The following TAFA2 variants were observed in gnomAD, a reference collection of about 807,000 sequenced individuals.
The protein encoded by TAFA2 is chemokine-like protein TAFA-2.
Under a neutral mutation model 18.8 loss-of-function variants are expected in TAFA2, and 7 were observed. The observed-to-expected ratio is 0.37, with a 90% confidence interval of 0.21 to 0.70. The LOEUF is 0.70. Ranked by LOEUF, TAFA2 falls within the 30% of genes least tolerant of loss-of-function variation. The pLI is 0.53. For missense variants in TAFA2, 122 were observed against 158.1 expected, an observed-to-expected ratio of 0.77 and a Z score of 1.23; for synonymous variants, 60 against 54.2, an observed-to-expected ratio of 1.11 and a Z score of -0.47.
In TAFA2 at chr12:61,808,327, G is replaced by A. The variant is rs552589175; in HGVS notation, c.107-53303C>T. Among the ~76,000 whole-genome samples the A allele has an allele frequency of 5.1e-4, 78 of 151,538 alleles. 4 individuals are homozygous for A. Among genetic ancestry groups the A allele is most frequent in the African/African-American group, 1.8e-3 (72 of 40,844 alleles). On this transcript the variant is annotated intron_variant, in intron 2 of 4. Coordinates refer to ENST00000416284, the MANE Select transcript of TAFA2 (RefSeq NM_178539.5). Reference sequence around the variant, plus strand: ...CTTCTGCCATGATTATGAGGCCTCCGCACCAAATGGTCAATAAACCTCTTT... The same window carrying A: ...CTTCTGCCATGATTATGAGGCCTCCACACCAAATGGTCAATAAACCTCTTT...
chr12:61,983,914 A>T (rs1337136290), intron 1 of TAFA2, among the ~76,000 whole-genome samples: 2 of 152,146 alleles, frequency 1.3e-5, no homozygotes, highest in Non-Finnish European at 2.9e-5. Context: ...TCTCCTGCTA[A>T]TCAGTCTTCC....
At chr12:61,734,600 T>G (rs1868273846) in intron 4 of TAFA2, among the ~76,000 whole-genome samples, 1 of 151,964 alleles carries the variant, frequency 6.6e-6, no homozygotes, top group Non-Finnish European at 1.5e-5. Context: ...GGCAAACTTG[T>G]TTGAAATGTG....
chr12:61,720,837 G>T, intron 4 of TAFA2: 1 of 492,880 alleles, frequency 2.0e-6, no homozygotes, highest in Admixed American at 2.1e-5. Flanking sequence ...TTTTTTGAGT[G>T]TGGAGAAATC....
intron 2 of TAFA2, among the ~76,000 whole-genome samples, chr12:61,838,308 G>A (rs562379547): frequency 1.6e-4 from 25 of 151,954 alleles, no homozygotes; most frequent in Non-Finnish European, 3.4e-4. Context: ...CCTTAATACA[G>A]TTATGTGAAA....
intron 1 of TAFA2, among the ~76,000 whole-genome samples, chr12:61,958,140 T>G (rs1371002345): frequency 6.6e-6 from 1 of 152,156 alleles, no homozygotes; most frequent in Admixed American, 6.6e-5. Context: ...GAATTTACTT[T>G]TCATTGTTTT....
chr12:62,137,183 C>T (rs1870929873), intron 1 of TAFA2, among the ~76,000 whole-genome samples: 2 of 152,058 alleles, frequency 1.3e-5, no homozygotes, highest in East Asian at 3.9e-4. Flanking sequence ...TGTCCTGCAC[C>T]GATTCTTCCT....
At position 61,806,022 on chromosome 12, in the gene TAFA2, T is replaced by C. The variant is rs576586815; in HGVS notation, c.107-50998A>G. Among the ~76,000 whole-genome samples, 9 of 152,376 alleles carry C rather than the reference T, an allele frequency of 5.9e-5. No homozygotes were observed. In the South Asian group the frequency reaches 1.9e-3, roughly 32 times the overall value. The stretch of plus-strand genomic sequence containing the variant: ...GTAACAACAAACTATTAAGATTTGT[T>C]ACTTGAGTGTGAGGGATGGAGAGGG... On this transcript the variant is annotated intron_variant, in intron 2 of 4. Coordinates refer to ENST00000416284, the MANE Select transcript of TAFA2 (RefSeq NM_178539.5).
chr12:62,067,943 T>C (rs561759347), intron 1 of TAFA2, among the ~76,000 whole-genome samples: 13 of 152,048 alleles, frequency 8.5e-5, no homozygotes, highest in Non-Finnish European at 1.5e-4. Context: ...ACTTTCCTTT[T>C]CTTTCCTTTT....
rs191873826 is a variant in TAFA2 at position 62,184,422 on chromosome 12, G to A, written c.-2+6837C>T. 9.6e-4 allele frequency among the ~76,000 whole-genome samples: 145 copies of A among 151,446 alleles called. 1 individual carries two copies. The highest frequency in any genetic ancestry group is 3.3e-3 in the African/African-American group (138 of 41,284). Reference sequence around the variant, plus strand: ...CCTAACTAAAAGGGAAGCTCCTTAAGGTTAAATATGTCACGCTATATTATT... The same window carrying A: ...CCTAACTAAAAGGGAAGCTCCTTAAAGTTAAATATGTCACGCTATATTATT... On this transcript the variant is annotated intron_variant, in intron 1 of 4. Coordinates refer to ENST00000416284, the MANE Select transcript of TAFA2 (RefSeq NM_178539.5).
At chr12:62,206,651 T>C (rs2062692791) in intron 1 of TAFA2, among the ~76,000 whole-genome samples, 1 of 152,126 alleles carries the variant, frequency 6.6e-6, no homozygotes, top group African/African-American at 2.4e-5. Context: ...CCTCATTTTT[T>C]GACTTTTTTG....
intron 2 of TAFA2, among the ~76,000 whole-genome samples, chr12:61,863,949 G>A (rs1271642411): frequency 6.6e-6 from 1 of 152,032 alleles, no homozygotes; most frequent in African/African-American, 2.4e-5. Context: ...TTCATGCCTC[G>A]GAGATTCCCC....
chr12:61,715,422 C>G (rs1869607814), intron 4 of TAFA2, among the ~76,000 whole-genome samples: 1 of 151,916 alleles, frequency 6.6e-6, no homozygotes, highest in African/African-American at 2.4e-5. Flanking sequence ...TATCTCGGCT[C>G]ACTGCAAGCT....
intron 1 of TAFA2, among the ~76,000 whole-genome samples, chr12:61,982,197 C>A (rs1879657348): frequency 6.6e-6 from 1 of 152,062 alleles, no homozygotes; most frequent in African/African-American, 2.4e-5. Context: ...GGACAGAAAA[C>A]CAAACACCTC....
chr12:61,959,868 T>C (rs1878822003), intron 1 of TAFA2, among the ~76,000 whole-genome samples: 1 of 152,078 alleles, frequency 6.6e-6, no homozygotes, highest in South Asian at 2.1e-4. Context: ...TCACTATTTT[T>C]TTTTATTTTT....
At chr12:61,878,314 T>C (rs1467958618) in intron 1 of TAFA2, among the ~76,000 whole-genome samples, 2 of 152,186 alleles carry the variant, frequency 1.3e-5, no homozygotes, top group Non-Finnish European at 2.9e-5. Flanking sequence ...ATGTTATGTC[T>C]ATTTTACAAC....
chr12:61,815,658 G>A (rs906034113), intron 2 of TAFA2, among the ~76,000 whole-genome samples: 2 of 147,142 alleles, frequency 1.4e-5, no homozygotes, highest in African/African-American at 2.6e-5. Flanking sequence ...GCAAGACTCC[G>A]TCTAAAAAAA....
rs139686002 is a variant in TAFA2, at chr12:61,720,627, C to T, written c.385-10210G>A. 180 of 227,146 alleles carry T rather than the reference C, an allele frequency of 7.9e-4. 1 individual carries two copies. The highest frequency in any genetic ancestry group is 3.9e-3 in the African/African-American group (170 of 43,454). The allele number at this position is 227,146 out of a possible 1,614,324, so 14.1% of individuals were successfully genotyped here. ...CTCTGAAATCAGGGGCACTTAAATG[C>T]TAATGGTAACCACAAGAAAGAATAG... On this transcript the variant is annotated intron_variant, in intron 4 of 4. Coordinates refer to ENST00000416284, the MANE Select transcript of TAFA2 (RefSeq NM_178539.5).
At chr12:62,196,373 C>T (rs1371222706), upstream of TAFA2, among the ~76,000 whole-genome samples, 1 of 152,218 alleles carries the variant, frequency 6.6e-6, no homozygotes, top group Non-Finnish European at 1.5e-5. Flanking sequence ...GCATTCACAA[C>T]TTGCCTAGCA....
chr12:61,832,670 C>T (rs998477973), intron 2 of TAFA2, among the ~76,000 whole-genome samples: 1 of 152,080 alleles, frequency 6.6e-6, no homozygotes, highest in Admixed American at 6.6e-5. Context: ...TATCCAGTGT[C>T]CTTGACTCAT....
Sources: gnomAD v4.1 joint callset for allele counts (sites outside exome capture counted in the v4.1 genomes callset) on GRCh38, gnomAD v4.1.1 for gene constraint, MANE v1.5 for transcripts, NCBI Gene and HGNC (gene_info 2026-07-23, HGNC 2026-07-21) for gene names.